Variants in EPHA6 observed in about 807,000 individuals in gnomAD.
The protein encoded by EPHA6 is EPH receptor A6, also known as ephrin type-A receptor 6.
Under a neutral mutation model 112.0 loss-of-function variants are expected in EPHA6, and 50 were observed. The ratio of observed to expected loss-of-function variants is 0.45; its 90% CI spans 0.36 to 0.56. EPHA6 has a LOEUF of 0.56. Among genes scored for constraint, EPHA6 ranks in the 20% least tolerant of loss-of-function variants. The probability of loss-of-function intolerance (pLI) is 0.00; values close to 1 mark genes in which losing one functional copy is unlikely to be tolerated. For missense variants in EPHA6, 1,280 were observed against 1,417.4 expected (o/e 0.90, Z 1.56); for synonymous variants, 529 against 490.7 (o/e 1.08, Z -1.03).
intron 5 of EPHA6, among the ~76,000 whole-genome samples, chr3:97,299,168 G>T (rs2080992260): frequency 6.7e-6 from 1 of 149,942 alleles, no homozygotes; most frequent in Admixed American, 6.7e-5. Flanking sequence ...GGACGGTTTT[G>T]CACTGATGAT....
At chr3:97,174,469 C>T (rs1396942266) in intron 3 of EPHA6, among the ~76,000 whole-genome samples, 3 of 151,848 alleles carry the variant, frequency 2.0e-5, no homozygotes, top group Non-Finnish European at 4.4e-5. Flanking sequence ...TTTGAGGACC[C>T]TCTAAACTGT....
chr3:97,283,439 A>T (rs1327921212), intron 5 of EPHA6, among the ~76,000 whole-genome samples: 1 of 152,154 alleles, frequency 6.6e-6, no homozygotes, highest in African/African-American at 2.4e-5. Flanking sequence ...TTGTGATTAC[A>T]TTGGCAAGGA....
At chr3:97,191,101 T>G (rs1365844726) in intron 3 of EPHA6, among the ~76,000 whole-genome samples, 1 of 152,080 alleles carries the variant, frequency 6.6e-6, no homozygotes, top group East Asian at 1.9e-4. Flanking sequence ...ACTTAACTGC[T>G]TAGAATAATT....
At chr3:97,191,173 TA>T (rs1273800030) in intron 3 of EPHA6, among the ~76,000 whole-genome samples, 1 of 152,040 alleles carries the variant, frequency 6.6e-6, no homozygotes, top group Non-Finnish European at 1.5e-5. Context: ...AACGGCACCA[TA>T]TTTTTTATTT....
intron 5 of EPHA6, among the ~76,000 whole-genome samples, chr3:97,248,220 C>T (rs895625507): frequency 6.6e-6 from 1 of 152,006 alleles, no homozygotes; most frequent in African/African-American, 2.4e-5. Flanking sequence ...CATAAGGAAT[C>T]TTTGCAATAA....
At chr3:97,169,108 A>G (rs1405428384) in intron 3 of EPHA6, among the ~76,000 whole-genome samples, 2 of 152,150 alleles carry the variant, frequency 1.3e-5, no homozygotes, top group East Asian at 3.9e-4. Flanking sequence ...AGAATGTTCA[A>G]TGTAGTCAAT....
At position 96,816,078 on chromosome 3, in the gene EPHA6, G is replaced by A. The variant is rs142231707; in HGVS notation, c.385+1070G>A. ...AAAATGGAGGTCAGATGGCTTGAAA[G>A]TGTTCACTTTTTGTGTGAGGAGAAG... On this transcript the variant is annotated intron_variant, in intron 1 of 17. Coordinates refer to ENST00000389672, the MANE Select transcript of EPHA6 (RefSeq NM_001080448.3). Among the ~76,000 whole-genome samples the A allele has an allele frequency of 4.3e-3, 662 of 152,298 alleles. 1 individual carries two copies. The highest frequency in any genetic ancestry group is 5.8e-3 in the South Asian group (28 of 4,824).
intron 2 of EPHA6, among the ~76,000 whole-genome samples, chr3:96,867,486 A>G (rs1450559617): frequency 1.3e-5 from 2 of 151,792 alleles, no homozygotes; most frequent in African/African-American, 2.4e-5. Context: ...ATATATTTTT[A>G]TATATTTTGC....
At chr3:97,470,924 G>T (rs180709730) in intron 7 of EPHA6, among the ~76,000 whole-genome samples, 1 of 151,726 alleles carries the variant, frequency 6.6e-6, no homozygotes, top group Admixed American at 6.6e-5. Flanking sequence ...TTACACTATG[G>T]ATTTCAGAGT....
At chr3:97,181,329 A>C (rs1461560811) in intron 3 of EPHA6, among the ~76,000 whole-genome samples, 1 of 152,032 alleles carries the variant, frequency 6.6e-6, no homozygotes, top group African/African-American at 2.4e-5. Context: ...ACCAGGCACT[A>C]TGAGTGGTCA....
At chr3:96,990,997 AT>A (rs199934630) in intron 3 of EPHA6, among the ~76,000 whole-genome samples, 6 of 149,778 alleles carry the variant, frequency 4.0e-5, no homozygotes, top group Middle Eastern at 3.4e-3. Flanking sequence ...TACAGTATTG[AT>A]TTTTTTTTAG....
chr3:97,402,932 A>G (rs1341239962), intron 5 of EPHA6, among the ~76,000 whole-genome samples: 2 of 152,176 alleles, frequency 1.3e-5, no homozygotes, highest in Non-Finnish European at 2.9e-5. Context: ...AGTCTTTCTT[A>G]GAAATTGAAA....
At chr3:96,972,861 G>T (rs865882202) in intron 2 of EPHA6, among the ~76,000 whole-genome samples, 2 of 152,152 alleles carry the variant, frequency 1.3e-5, no homozygotes, top group African/African-American at 2.4e-5. Context: ...GGAAATAAAA[G>T]TTTATATTTC....
At position 97,651,406 on chromosome 3, in the gene EPHA6, G is replaced by C. The variant is rs28610255; in HGVS notation, c.2784+13324G>C. Reference sequence around the variant, plus strand: ...AAGCAGAGGGGGAAAGTCTCTAAAAGCATATTGAACACAAAAGGATATCTA... The same window carrying C: ...AAGCAGAGGGGGAAAGTCTCTAAAACCATATTGAACACAAAAGGATATCTA... On this transcript the variant is annotated intron_variant, in intron 14 of 17. Coordinates refer to ENST00000389672, the MANE Select transcript of EPHA6 (RefSeq NM_001080448.3). Among the ~76,000 whole-genome samples the C allele has an allele frequency of 2.9e-3, 442 of 152,094 alleles. 2 individuals carry two copies. Among genetic ancestry groups the C allele is most frequent in the African/African-American group, 9.8e-3 (405 of 41,530 alleles).
chr3:97,754,767 G>T lies in EPHA6; in HGVS notation c.*6066G>T, dbSNP rs567819256. Among the ~76,000 whole-genome samples, 12 of 152,178 alleles carry T rather than the reference G, an allele frequency of 7.9e-5. No homozygotes were observed. In the East Asian group the frequency reaches 1.4e-3, roughly 17 times the overall value. ...CGCCTAGGCTGGAGTGCAGTGGCGAGATCTCGGCTCACTGCTAACTCCGCC... is the reference window on the plus strand; with the variant it reads ...CGCCTAGGCTGGAGTGCAGTGGCGATATCTCGGCTCACTGCTAACTCCGCC... On this transcript the variant is annotated 3_prime_UTR_variant, in exon 18 of 18. Coordinates refer to ENST00000389672, the MANE Select transcript of EPHA6 (RefSeq NM_001080448.3).
At chr3:97,371,303 C>G (rs565522184) in intron 5 of EPHA6, among the ~76,000 whole-genome samples, 77 of 152,168 alleles carry the variant, frequency 5.1e-4, no homozygotes, top group Admixed American at 4.9e-3. Flanking sequence ...GTCAGGGACC[C>G]TGAACAGAGG....
At chr3:97,327,955 CTG>C (rs1194723294) in intron 5 of EPHA6, among the ~76,000 whole-genome samples, 14 of 95,660 alleles carry the variant, frequency 1.5e-4, no homozygotes, top group Non-Finnish European at 1.3e-4. Context: ...GTATATGTAT[CTG>C]TGTGTATATA....
intron 14 of EPHA6, among the ~76,000 whole-genome samples, chr3:97,654,532 A>G (rs756943842): frequency 2.6e-5 from 4 of 151,968 alleles, no homozygotes; most frequent in Non-Finnish European, 5.9e-5. Context: ...AATAAAAGTG[A>G]GTAGCTACCT....
intron 6 of EPHA6, among the ~76,000 whole-genome samples, chr3:97,446,070 A>G (rs1391162432): frequency 6.6e-6 from 1 of 152,212 alleles, no homozygotes; most frequent in Admixed American, 6.5e-5. Flanking sequence ...TTGATGCGTC[A>G]GCAGAAAGGC....
Sources: allele counts gnomAD v4.1 joint callset (sites outside exome capture counted in the v4.1 genomes callset), GRCh38; gene constraint gnomAD v4.1.1; transcripts MANE v1.5; gene names NCBI Gene and HGNC (gene_info 2026-07-23, HGNC 2026-07-21).